Variants in SBF1 observed in about 807,000 individuals in gnomAD.
SBF1 encodes the protein myotubularin-related protein 5.
A neutral mutation model predicts 215.8 loss-of-function variants in SBF1; 65 were observed. The observed-to-expected ratio is 0.30, with a 90% CI of 0.25 to 0.37. The LOEUF is 0.37. Among genes scored for constraint, SBF1 ranks in the 10% least tolerant of loss-of-function variants. SBF1 has a pLI of 1.00. For synonymous variants in SBF1, 1,410 were observed against 1,122.8 expected, an observed-to-expected ratio of 1.26 and a Z score of -5.11; for missense variants, 2,634 against 2,667.8, an observed-to-expected ratio of 0.99 and a Z score of 0.28.
At chr22:50,460,441 G>A (rs1433090626) in intron 24 of SBF1, 33 bp from the exon 25 acceptor site, 6 of 1,602,970 alleles carry the variant, frequency 3.7e-6, no homozygotes, top group Non-Finnish European at 5.1e-6. Context: ...AAGGTGAGAG[G>A]AGGAGGGACA....
At chr22:50,466,117 G>A (rs773776461) in intron 8 of SBF1, 33 bp downstream of exon 8, 7 of 1,613,028 alleles carry the variant, frequency 4.3e-6, no homozygotes, top group Non-Finnish European at 5.9e-6. Context: ...TGCAGGCCTG[G>A]GCCGTGAGGT....
intron 2 of SBF1, among the ~76,000 whole-genome samples, chr22:50,468,174 T>C (rs908849587): frequency 3.9e-5 from 6 of 151,942 alleles, no homozygotes; most frequent in Admixed American, 6.6e-5. Flanking sequence ...CATGAGTGAG[T>C]GACAACATGA....
rs2067211874 is a variant in SBF1, at chr22:50,455,486, T to C, written c.4363A>G (p.Thr1455Ala). The C allele has an allele frequency of 2.5e-6, 4 of 1,610,132 alleles. No individual in the cohort carries two copies. Among genetic ancestry groups the C allele is most frequent in the Non-Finnish European group, 3.4e-6 (4 of 1,178,550 alleles). Residue 1455 changes from threonine (T) to alanine (A), a missense_variant, in exon 32 of 41, where the codon ACC (threonine) becomes GCC (alanine). Thr to Ala is a moderately conservative substitution (Grantham distance 58). Coordinates refer to ENST00000380817, the MANE Select transcript of SBF1 (RefSeq NM_002972.4). ...CAGCCCCACGCGCCACACACCTGGGTGGTGATGTCCCAGCCATCCTCCAGG... is the reference window on the plus strand; with the variant it reads ...CAGCCCCACGCGCCACACACCTGGGCGGTGATGTCCCAGCCATCCTCCAGG... The part of the protein sequence containing the change: ...VGLEDGWDIT[T>A]QVVSLVQLLS...
At chr22:50,471,979 C>T (rs544997004) in intron 1 of SBF1, among the ~76,000 whole-genome samples, 1 of 152,312 alleles carries the variant, frequency 6.6e-6, no homozygotes, top group South Asian at 2.1e-4. Context: ...GATGGAAGGC[C>T]GATGGCCAGG....
At position 50,446,738 on chromosome 22, in the gene SBF1, G is replaced by T; in HGVS notation, c.*404C>A. The T allele has an allele frequency of 2.1e-6, 1 of 482,460 alleles. No individual in the cohort carries two copies. Among genetic ancestry groups the T allele is most frequent in the Non-Finnish European group, 4.1e-6 (1 of 245,330 alleles). The allele number at this position is 482,460 out of a possible 1,614,324, so 29.9% of individuals were successfully genotyped here. On this transcript the variant is annotated 3_prime_UTR_variant, in exon 41 of 41. Transcript: ENST00000380817. ...TCCCGCCAGGTGGGCCTGGATAGGGGCAGATGGGACCCTCTGGGTAGGCCG... is the reference window on the plus strand; with the variant it reads ...TCCCGCCAGGTGGGCCTGGATAGGGTCAGATGGGACCCTCTGGGTAGGCCG...
At chr22:50,461,924 A>G (rs752549802) in intron 20 of SBF1, 23 bp downstream of exon 20, 2 of 1,613,924 alleles carry the variant, frequency 1.2e-6, no homozygotes, top group East Asian at 2.2e-5. Flanking sequence ...CCAAGGGGGA[A>G]TCACCAGCCC....
intron 26 of SBF1, 59 bp from the exon 27 acceptor site, chr22:50,459,725 C>T: frequency 2.7e-6 from 4 of 1,508,816 alleles, no homozygotes; most frequent in South Asian, 1.3e-5. Context: ...CAGGCTCACG[C>T]CCCAAGCAGG....
chr22:50,462,678 C>T lies in SBF1; in HGVS notation c.2008G>A (p.Val670Met). The change falls in exon 18 of 41, where the codon GTG becomes ATG. Residue 670 changes from valine (V) to methionine (M), a missense_variant. Coordinates refer to ENST00000380817, the MANE Select transcript of SBF1 (RefSeq NM_002972.4). ...GTGCTCCACACCACGTGCTCCTGCA[C>T]ACAGCTGTATGCAAACTGCGTCACC... The part of the protein sequence containing the change: ...PGVTQFAYSC[V>M]QEHVVWSTPQ... 2 of 1,612,402 alleles carry T rather than the reference C, an allele frequency of 1.2e-6. No individual in the cohort carries two copies. Among genetic ancestry groups the T allele is most frequent in the Non-Finnish European group, 1.7e-6 (2 of 1,179,598 alleles).
intron 36 of SBF1, among the ~76,000 whole-genome samples, chr22:50,450,550 A>C (rs1169491078): frequency 6.6e-6 from 1 of 151,984 alleles, no homozygotes; most frequent in African/African-American, 2.4e-5. Context: ...TATGAGCTGA[A>C]CCCAAATTCT....
At chr22:50,453,273 C>T (rs933101563) in intron 36 of SBF1, among the ~76,000 whole-genome samples, 1 of 152,180 alleles carries the variant, frequency 6.6e-6, no homozygotes, top group African/African-American at 2.4e-5. Context: ...AATGAGACCG[C>T]GTCAACTTTA....
chr22:50,456,774 G>A, intron 29 of SBF1, 101 bp from the exon 30 acceptor site: 1 of 1,106,744 alleles, frequency 9.0e-7, no homozygotes, highest in Non-Finnish European at 1.3e-6. Context: ...AGCTCCCAGG[G>A]CAGGGGTGGT....
chr22:50,464,846 C>T lies in SBF1; in HGVS notation c.1404G>A (p.Gln468=), dbSNP rs2067679399. The change falls in exon 13 of 41, where the codon CAG becomes CAA. Residue 468 remains glutamine, a synonymous_variant. Transcript: ENST00000380817. The part of the protein sequence containing the change: ...NHPQRVLRHV[Q]ELAEQLYKNE... ...TCTTGTAGAGCTGCTCTGCCAGTTC[C>T]TGGACGTGACGCAGGACACGCTGGG... 4.3e-6 allele frequency: 7 copies of T among 1,613,586 alleles called. No homozygotes were observed. The highest frequency in any genetic ancestry group is 1.3e-5 in the African/African-American group (1 of 74,942).
rs547807779 is a variant in SBF1, at chr22:50,447,435, G to T, written c.5470C>A (p.Arg1824Ser). Reference sequence around the variant, plus strand: ...ACACCCTTGCACTCTGTGTCCACACGGTGGTCGTAGTAGCGCAGCTGGAGG... The same window carrying T: ...ACACCCTTGCACTCTGTGTCCACACTGTGGTCGTAGTAGCGCAGCTGGAGG... The part of the protein sequence containing the change: ...TKHQLRYYDH[R>S]VDTECKGVID... The change falls in exon 40 of 41, where the codon CGT (arginine) becomes AGT (serine). Residue 1824 changes from arginine to serine, a missense_variant. By Grantham distance (110) the Arg-to-Ser change is moderately radical (BLOSUM62 -1). Coordinates refer to ENST00000380817, the MANE Select transcript of SBF1 (RefSeq NM_002972.4). The T allele has an allele frequency of 2.9e-5, 46 of 1,613,688 alleles. No individual in the cohort carries two copies. The highest frequency in any genetic ancestry group is 3.7e-5 in the Non-Finnish European group (44 of 1,179,942).
chr22:50,474,919 C>G lies in SBF1; in HGVS notation c.-79G>C. On this transcript the variant is annotated 5_prime_UTR_variant, in exon 1 of 41. Transcript: ENST00000380817. ...ACTCGAGGACGGCGCGCTCATGGCC[C>G]GGCCCCGGCCCTGGACCGCGCACCC... 9.4e-7 allele frequency: 1 copy of G among 1,067,826 alleles called. No homozygotes were observed. Among genetic ancestry groups the G allele is most frequent in the Non-Finnish European group, 1.2e-6 (1 of 821,924 alleles). 66.1% of individuals were successfully genotyped at this position (1,067,826 alleles called of 1,614,324 possible). A position where few individuals can be genotyped will look rare whatever the true frequency, so the allele number is the denominator to read the frequency against.
rs1569506346 is a variant in SBF1, at chr22:50,445,187, C to CATG, written c.*1954_*1955insCAT. 6.6e-6 allele frequency: 1 copy of CATG among 152,388 alleles called. No homozygotes were observed. Among genetic ancestry groups the CATG allele is most frequent in the African/African-American group, 2.4e-5 (1 of 41,448 alleles). The allele number at this position is 152,388 out of a possible 1,614,324, so 9.4% of individuals were successfully genotyped here. On this transcript the variant is annotated 3_prime_UTR_variant, in exon 41 of 41. Transcript: ENST00000380817. ...CTTTTGTGGGCCCGCCACCCCCCAG[C>CATG]GTTATCCCCGTGTAATGGGTGGAGG...
chr22:50,471,171 G>A (rs1037292481), intron 1 of SBF1, among the ~76,000 whole-genome samples: 5 of 152,188 alleles, frequency 3.3e-5, no homozygotes, highest in Non-Finnish European at 7.4e-5. Context: ...GGGTGGCACT[G>A]GGCACCAAGG....
Position 50,474,976 on chromosome 22 carries a change from CGG to C in SBF1, c.-138_-137del, listed in dbSNP as rs2068126710. 3 of 343,268 alleles carry C rather than the reference CGG, an allele frequency of 8.7e-6. No homozygotes were observed. The highest frequency in any genetic ancestry group is 2.7e-4 in the East Asian group (2 of 7,312). The allele number at this position is 343,268 out of a possible 1,614,324, so 21.3% of individuals were successfully genotyped here. Reference sequence around the variant, plus strand: ...CCCCTGGTTCGCTCCGCGGCGGCGGCGGCGGCGGCGGCGGCGGCCCAGGTTCC... The same window carrying C: ...CCCCTGGTTCGCTCCGCGGCGGCGGCCGGCGGCGGCGGCGGCCCAGGTTCC... On this transcript the variant is annotated 5_prime_UTR_variant, in exon 1 of 41. The change abolishes the stop of an existing upstream ORF in the 5' untranslated region. Coordinates refer to ENST00000380817, the MANE Select transcript of SBF1 (RefSeq NM_002972.4).
chr22:50,465,155 C>A, intron 11 of SBF1, 26 bp from the exon 12 acceptor site: 1 of 1,613,930 alleles, frequency 6.2e-7, no homozygotes, highest in South Asian at 1.1e-5. Flanking sequence ...AGGTCGGTCC[C>A]TCAGGGGTCT....
Position 50,474,940 on chromosome 22 carries a change from C to A in SBF1, c.-100G>T. 1.3e-6 allele frequency: 1 copy of A among 786,550 alleles called. No homozygotes were observed. Among genetic ancestry groups the A allele is most frequent in the Non-Finnish European group, 1.7e-6 (1 of 592,444 alleles). 48.7% of individuals were successfully genotyped at this position (786,550 alleles called of 1,614,324 possible). ...GGCCCGGCCCCGGCCCTGGACCGCG[C>A]ACCCCGGACACCCCTGGTTCGCTCC... On this transcript the variant is annotated 5_prime_UTR_variant, in exon 1 of 41. Coordinates refer to ENST00000380817, the MANE Select transcript of SBF1 (RefSeq NM_002972.4).
Sources: gnomAD v4.1 joint callset for allele counts (sites outside exome capture counted in the v4.1 genomes callset) on GRCh38, gnomAD v4.1.1 for gene constraint, MANE v1.5 for transcripts, NCBI Gene and HGNC (gene_info 2026-07-23, HGNC 2026-07-21) for gene names.